Variants in FRMD5 observed in about 807,000 individuals in gnomAD.
The protein encoded by FRMD5 is FERM domain-containing protein 5.
Under a neutral mutation model 69.0 loss-of-function variants are expected in FRMD5, and 20 were observed. That is an observed-to-expected ratio of 0.29 (90% confidence interval 0.20 to 0.42). The LOEUF (loss-of-function observed/expected upper bound fraction) is 0.42. FRMD5 is among the 10% of genes least tolerant of loss of function. The probability of loss-of-function intolerance (pLI) is 1.00; values close to 1 mark genes in which losing one functional copy is unlikely to be tolerated. For synonymous variants in FRMD5, 271 were observed against 260.1 expected, an observed-to-expected ratio of 1.04 and a Z score of -0.40; for missense variants, 595 against 708.6, an observed-to-expected ratio of 0.84 and a Z score of 1.82.
At chr15:44,189,314 A>G (rs182206259) in intron 1 of FRMD5, among the ~76,000 whole-genome samples, 40 of 152,278 alleles carry the variant, frequency 2.6e-4, no homozygotes, top group Admixed American at 2.4e-3. Context: ...GTTGACAACA[A>G]TAATGAAGAT....
chr15:44,164,461 C>T, intron 1 of FRMD5, among the ~76,000 whole-genome samples: 1 of 152,032 alleles, frequency 6.6e-6, no homozygotes, highest in Admixed American at 6.6e-5. Flanking sequence ...TAGATTGTGA[C>T]ATACTCATAA....
chr15:44,087,784 TCA>T (rs1566939324), intron 1 of FRMD5, among the ~76,000 whole-genome samples: 75 of 125,620 alleles, frequency 6.0e-4, no homozygotes, highest in Non-Finnish European at 1.1e-3. Context: ...ATCATCATCA[TCA>T]TCCCAGGCAT....
At chr15:43,992,399 G>T (rs1246626950) in intron 1 of FRMD5, among the ~76,000 whole-genome samples, 1 of 148,796 alleles carries the variant, frequency 6.7e-6, no homozygotes, top group Non-Finnish European at 1.5e-5. Context: ...ATTTTTTTGA[G>T]ATGGAGTCTT....
intron 1 of FRMD5, among the ~76,000 whole-genome samples, chr15:44,136,723 A>G (rs1029520675): frequency 1.3e-5 from 2 of 152,204 alleles, no homozygotes; most frequent in Non-Finnish European, 1.5e-5. Flanking sequence ...ACATGCCATT[A>G]TATTTCAGTT....
intron 1 of FRMD5, among the ~76,000 whole-genome samples, chr15:43,950,041 T>G (rs1595550968): frequency 6.6e-6 from 1 of 152,358 alleles, no homozygotes; most frequent in Admixed American, 6.5e-5. Context: ...AACTGCTTCC[T>G]TCTTCCTTCT....
At chr15:43,902,446 T>G (rs1020593934) in intron 6 of FRMD5, among the ~76,000 whole-genome samples, 184 bp from the exon 7 acceptor site, 1 of 152,022 alleles carries the variant, frequency 6.6e-6, no homozygotes, top group Non-Finnish European at 1.5e-5. Flanking sequence ...TCTTCAAACG[T>G]TTTCAGAGTG....
intron 1 of FRMD5, among the ~76,000 whole-genome samples, chr15:44,034,021 C>A (rs1891801832): frequency 6.6e-6 from 1 of 152,172 alleles, no homozygotes; most frequent in African/African-American, 2.4e-5. Context: ...ACAGACAAGG[C>A]ATCTCTGATA....
intron 7 of FRMD5, among the ~76,000 whole-genome samples, chr15:43,900,414 T>C (rs548127531): frequency 7.2e-5 from 11 of 152,200 alleles, no homozygotes; most frequent in Non-Finnish European, 1.0e-4. Context: ...TTTCTGACAG[T>C]GTGGCCCCAA....
chr15:44,121,857 T>C (rs539979820), intron 1 of FRMD5, among the ~76,000 whole-genome samples: 30 of 151,674 alleles, frequency 2.0e-4, no homozygotes, highest in Non-Finnish European at 2.9e-4. Context: ...TAGCCGGGCA[T>C]GGTAGCGTGT....
At chr15:43,933,945 G>A (rs2089717659) in intron 1 of FRMD5, among the ~76,000 whole-genome samples, 1 of 152,202 alleles carries the variant, frequency 6.6e-6, no homozygotes, top group Non-Finnish European at 1.5e-5. Flanking sequence ...CAGTGACAGG[G>A]AGTCTGTTCC....
intron 1 of FRMD5, among the ~76,000 whole-genome samples, chr15:44,106,876 C>A (rs1254830260): frequency 6.6e-6 from 1 of 152,104 alleles, no homozygotes; most frequent in Non-Finnish European, 1.5e-5. Context: ...TCTCAGGACC[C>A]CTTTACACTG....
chr15:44,119,362 G>A (rs546663915), intron 1 of FRMD5, among the ~76,000 whole-genome samples: 31 of 152,296 alleles, frequency 2.0e-4, no homozygotes, highest in Admixed American at 5.2e-4. Context: ...TCCATGTAAA[G>A]GGAGGTAAGC....
intron 1 of FRMD5, among the ~76,000 whole-genome samples, chr15:43,960,876 G>C (rs1347236029): frequency 6.6e-6 from 1 of 152,088 alleles, no homozygotes; most frequent in African/African-American, 2.4e-5. Context: ...ACAAATTGAA[G>C]TCTAATCTTG....
At position 43,924,313 on chromosome 15, in the gene FRMD5, CAAAG is replaced by C; in HGVS notation, c.103-8_103-5del. 6.2e-7 allele frequency: 1 copy of C among 1,607,382 alleles called. No individual in the cohort carries two copies. On this transcript the variant is annotated splice_polypyrimidine_tract_variant and splice_region_variant and intron_variant, in intron 1 of 13. Coordinates refer to ENST00000417257, the MANE Select transcript of FRMD5 (RefSeq NM_032892.5). ...GGTACTGGCCTTTGGCATCTCTCTG[CAAAG>C]AAAGAAAACTCCATTGAGAAATGAG...
intron 1 of FRMD5, among the ~76,000 whole-genome samples, chr15:44,187,835 C>T (rs1046895798): frequency 2.0e-5 from 3 of 152,192 alleles, no homozygotes; most frequent in Non-Finnish European, 2.9e-5. Context: ...CCCCAAAGCA[C>T]TGAGATTATA....
intron 1 of FRMD5, among the ~76,000 whole-genome samples, chr15:43,986,712 C>A (rs1284861341): frequency 2.0e-5 from 1 of 51,060 alleles, no homozygotes; most frequent in Non-Finnish European, 5.0e-5. Flanking sequence ...TGTTAAAGTA[C>A]TTGGGATTTT....
chr15:44,174,871 C>G (rs575427068), intron 1 of FRMD5, among the ~76,000 whole-genome samples: 32 of 152,076 alleles, frequency 2.1e-4, no homozygotes, highest in African/African-American at 7.7e-4. Context: ...CACATGGACA[C>G]AGGGAGGGAA....
chr15:44,151,818 G>A (rs1026638385), intron 1 of FRMD5, among the ~76,000 whole-genome samples: 1 of 152,158 alleles, frequency 6.6e-6, no homozygotes. Flanking sequence ...CACAGAATGG[G>A]AGAAAATCTT....
intron 1 of FRMD5, among the ~76,000 whole-genome samples, chr15:44,051,051 T>C (rs368190723): frequency 7.9e-5 from 12 of 151,474 alleles, no homozygotes; most frequent in African/African-American, 1.7e-4. Flanking sequence ...AGATCCTAAA[T>C]TGACTATTTC....
Sources: allele counts gnomAD v4.1 joint callset (sites outside exome capture counted in the v4.1 genomes callset), GRCh38; gene constraint gnomAD v4.1.1; transcripts MANE v1.5; gene names NCBI Gene and HGNC (gene_info 2026-07-23, HGNC 2026-07-21).